The following SAR1B variants were observed in gnomAD, a reference collection of about 807,000 sequenced individuals.
SAR1B encodes the protein small COPII coat GTPase SAR1B.
In SAR1B, 23 loss-of-function variants were observed where a neutral mutation model predicts 26.8. The ratio of observed to expected loss-of-function variants is 0.86; its 90% CI spans 0.62 to 1.22. The LOEUF (loss-of-function observed/expected upper bound fraction) is 1.22, where lower values mean the gene tolerates loss of function less well. Among genes scored for constraint, SAR1B ranks in the 50% most tolerant of loss-of-function variants. SAR1B has a pLI of 0.00. For missense variants in SAR1B, 196 were observed against 232.8 expected (o/e 0.84, Z 1.03); for synonymous variants, 65 against 80.8 (o/e 0.80, Z 1.05).
chr5:134,612,641 TAAAAAAAAAAAAAAAAAAAA>T lies in SAR1B; in HGVS notation c.244+30_244+49del, dbSNP rs34365859. 3,757 of 767,300 alleles carry T rather than the reference TAAAAAAAAAAAAAAAAAAAA, an allele frequency of 4.9e-3. 42 individuals are homozygous for T. In the African/African-American group the frequency reaches 0.066, roughly 14 times the overall value. The allele number at this position is 767,300 out of a possible 1,614,324, so 47.5% of individuals were successfully genotyped here. ...GCCTGGGAGACAGAGTGAGCCTGTCTAAAAAAAAAAAAAAAAAAAAAAAAAAAAAAAAAAAAAAAAGAATC... is the reference window on the plus strand; with the variant it reads ...GCCTGGGAGACAGAGTGAGCCTGTCTAAAAAAAAAAAAAAAAAAAAGAATC... On this transcript the variant is annotated intron_variant, in intron 4 of 6. Transcript: ENST00000402673.
At chr5:134,620,230 C>CGGGAGGT (rs1403200534) in intron 3 of SAR1B, among the ~76,000 whole-genome samples, 1 of 151,538 alleles carries the variant, frequency 6.6e-6, no homozygotes, top group East Asian at 1.9e-4. Flanking sequence ...GGCGTGAACC[C>CGGGAGGT]GGGAGGTGGA....
At chr5:134,612,829 T>C in intron 3 of SAR1B, 73 bp from the exon 4 acceptor site, 1 of 1,358,946 alleles carries the variant, frequency 7.4e-7, no homozygotes, top group South Asian at 1.3e-5. Flanking sequence ...AAAGTAGAGG[T>C]TCCTTTTCAA....
At chr5:134,612,943 T>A (rs1251935968) in intron 3 of SAR1B, 187 bp from the exon 4 acceptor site, 6 of 592,968 alleles carry the variant, frequency 1.0e-5, no homozygotes, top group African/African-American at 1.9e-5. Context: ...CCAGCCGTAA[T>A]AAAGAAATCA....
At chr5:134,631,960 G>A (rs183290475) in intron 1 of SAR1B, 10 of 152,430 alleles carry the variant, frequency 6.6e-5, no homozygotes, top group Admixed American at 3.9e-4. Flanking sequence ...AGCACTTTGG[G>A]AGGCCGAGGC....
At position 134,603,361 on chromosome 5, in the gene SAR1B, A is replaced by G. The variant is rs1267142403; in HGVS notation, c.*3589T>C. On this transcript the variant is annotated 3_prime_UTR_variant, in exon 7 of 7. Coordinates refer to ENST00000402673, the MANE Select transcript of SAR1B (RefSeq NM_016103.4). ...GTTAACTAGAACTATACTGTTTCTA[A>G]TGATGGAACCTGTGAAATGCTGGGT... The G allele has an allele frequency of 6.6e-6, 1 of 152,256 alleles. No homozygotes were observed. Among genetic ancestry groups the G allele is most frequent in the African/African-American group, 2.4e-5 (1 of 41,476 alleles). The allele number at this position is 152,256 out of a possible 1,614,324, so 9.4% of individuals were successfully genotyped here.
In SAR1B at chr5:134,604,804, C is replaced by T. The variant is rs957304565; in HGVS notation, c.*2146G>A. The T allele has an allele frequency of 1.3e-5, 2 of 152,044 alleles. No homozygotes were observed. Among genetic ancestry groups the T allele is most frequent in the African/African-American group, 2.4e-5 (1 of 41,386 alleles). 9.4% of individuals were successfully genotyped at this position (152,044 alleles called of 1,614,324 possible). On this transcript the variant is annotated 3_prime_UTR_variant, in exon 7 of 7. Coordinates refer to ENST00000402673, the MANE Select transcript of SAR1B (RefSeq NM_016103.4). ...TTACAACACAAATAATTAGCTTCTT[C>T]AGTATCATAATAGATACTCTAGGAA... is the stretch of plus-strand genomic sequence containing the variant.
chr5:134,604,966 G>A lies in SAR1B; in HGVS notation c.*1984C>T, dbSNP rs909195581. On this transcript the variant is annotated 3_prime_UTR_variant, in exon 7 of 7. Coordinates refer to ENST00000402673, the MANE Select transcript of SAR1B (RefSeq NM_016103.4). ...ATCTGGAAGAAGAAATCAATAGGCT[G>A]CAATGTCATGTTCTACTTTTCCCAT... The A allele has an allele frequency of 3.9e-5, 6 of 152,186 alleles. No homozygotes were observed. The highest frequency in any genetic ancestry group is 1.5e-5 in the Non-Finnish European group (1 of 68,028). 9.4% of individuals were successfully genotyped at this position (152,186 alleles called of 1,614,324 possible). A position where few individuals can be genotyped will look rare whatever the true frequency, so the allele number is the denominator to read the frequency against.
chr5:134,624,813 A>C (rs1765469361), intron 1 of SAR1B, among the ~76,000 whole-genome samples: 1 of 151,992 alleles, frequency 6.6e-6, no homozygotes, highest in Non-Finnish European at 1.5e-5. Context: ...TTTTTAGTAG[A>C]GACTGGGCTT....
chr5:134,624,080 C>T, intron 1 of SAR1B, 43 bp from the exon 2 acceptor site: 1 of 1,061,430 alleles, frequency 9.4e-7, no homozygotes, highest in South Asian at 1.3e-5. Flanking sequence ...CATTAAACAC[C>T]AATATACATT....
chr5:134,615,438 C>T (rs1284394862), intron 3 of SAR1B, among the ~76,000 whole-genome samples: 1 of 149,884 alleles, frequency 6.7e-6, no homozygotes, highest in African/African-American at 2.5e-5. Flanking sequence ...TCACTTGAAC[C>T]CAGGAGGCGG....
intron 3 of SAR1B, among the ~76,000 whole-genome samples, chr5:134,616,991 G>A (rs1765326527): frequency 6.6e-6 from 1 of 152,138 alleles, no homozygotes; most frequent in Non-Finnish European, 1.5e-5. Flanking sequence ...CAGCACTTTG[G>A]GAGGCTGGAT....
chr5:134,616,110 A>G (rs1765311234), intron 3 of SAR1B, among the ~76,000 whole-genome samples: 2 of 147,494 alleles, frequency 1.4e-5, no homozygotes, highest in African/African-American at 5.0e-5. Flanking sequence ...AGCCTGGGCA[A>G]CAGAGCGAGA....
intron 2 of SAR1B, among the ~76,000 whole-genome samples, chr5:134,621,299 G>T (rs1273969114): frequency 6.6e-6 from 1 of 152,108 alleles, no homozygotes; most frequent in South Asian, 2.1e-4. Flanking sequence ...GTGAAACCCC[G>T]TCTCTACTGA....
At chr5:134,617,807 G>C (rs1024352158) in intron 3 of SAR1B, among the ~76,000 whole-genome samples, 1 of 152,020 alleles carries the variant, frequency 6.6e-6, no homozygotes, top group Non-Finnish European at 1.5e-5. Flanking sequence ...TCTGCCTCCC[G>C]AGTAGGTGGA....
chr5:134,603,799 A>AAAAAAAACAAAAAAC lies in SAR1B; in HGVS notation c.*3136_*3150dup, dbSNP rs1364703969. On this transcript the variant is annotated 3_prime_UTR_variant, in exon 7 of 7. Coordinates refer to ENST00000402673, the MANE Select transcript of SAR1B (RefSeq NM_016103.4). ...GGGCAACAAAGCAAGACTCCATCTC[A>AAAAAAAACAAAAAAC]AAAAAAACAAAAAACAAAAAAACAA... The AAAAAAAACAAAAAAC allele has an allele frequency of 2.1e-5, 3 of 144,692 alleles. No homozygotes were observed. The East Asian group carries it at 6.3e-4, about 31-fold the overall frequency. 9.0% of individuals were successfully genotyped at this position (144,692 alleles called of 1,614,324 possible). A position where few individuals can be genotyped will look rare whatever the true frequency, so the allele number is the denominator to read the frequency against.
At chr5:134,607,197 G>A in intron 6 of SAR1B, 131 bp from the exon 7 acceptor site, 1 of 742,830 alleles carries the variant, frequency 1.3e-6, no homozygotes, top group African/African-American at 1.7e-5. Context: ...TAAAGTCGTG[G>A]CTGCTTGGCA....
chr5:134,617,874 G>A (rs1399083550), intron 3 of SAR1B, among the ~76,000 whole-genome samples: 1 of 152,066 alleles, frequency 6.6e-6, no homozygotes, highest in Non-Finnish European at 1.5e-5. Context: ...TACAGAACGG[G>A]TTTCACGATG....
At chr5:134,629,798 A>G in intron 1 of SAR1B, among the ~76,000 whole-genome samples, 1 of 151,460 alleles carries the variant, frequency 6.6e-6, no homozygotes. Flanking sequence ...AGGTATGAGA[A>G]TTGCTTGAAC....
Position 134,605,376 on chromosome 5 carries a change from G to C in SAR1B, c.*1574C>G, listed in dbSNP as rs1765108317. 1 of 152,058 alleles carries C rather than the reference G, an allele frequency of 6.6e-6. No homozygotes were observed. 9.4% of individuals were successfully genotyped at this position (152,058 alleles called of 1,614,324 possible). A position where few individuals can be genotyped will look rare whatever the true frequency, so the allele number is the denominator to read the frequency against. ...TTACCTTTCATCTTATATTACTAATGATGGGAATCTCAAACATATAAAAAA... is the reference window on the plus strand; with the variant it reads ...TTACCTTTCATCTTATATTACTAATCATGGGAATCTCAAACATATAAAAAA... On this transcript the variant is annotated 3_prime_UTR_variant, in exon 7 of 7. Transcript: ENST00000402673.
Sources: gnomAD v4.1 joint callset for allele counts (sites outside exome capture counted in the v4.1 genomes callset) on GRCh38, gnomAD v4.1.1 for gene constraint, MANE v1.5 for transcripts, NCBI Gene and HGNC (gene_info 2026-07-23, HGNC 2026-07-21) for gene names.